GMDS: variants seen among roughly 807,000 people sequenced by gnomAD.
The protein encoded by GMDS is GDP-mannose 4,6 dehydratase.
In GMDS, 20 loss-of-function variants were observed where a neutral mutation model predicts 49.9. That is an observed-to-expected ratio of 0.40 (90% CI 0.28 to 0.58). The LOEUF (loss-of-function observed/expected upper bound fraction) is 0.58. Among genes scored for constraint, GMDS ranks in the 20% least tolerant of loss-of-function variants. GMDS has a pLI of 0.42. For missense variants in GMDS, 362 were observed against 481.4 expected, an observed-to-expected ratio of 0.75 and a Z score of 2.32; for synonymous variants, 177 against 178.6, an observed-to-expected ratio of 0.99 and a Z score of 0.07.
intron 4 of GMDS, among the ~76,000 whole-genome samples, chr6:1,997,385 G>T (rs948224966): frequency 6.6e-6 from 1 of 151,782 alleles, no homozygotes; most frequent in Non-Finnish European, 1.5e-5. Context: ...GCACACGCCT[G>T]TAGTCCCAGC....
chr6:2,149,670 T>C (rs777812374), intron 1 of GMDS, among the ~76,000 whole-genome samples: 13 of 152,336 alleles, frequency 8.5e-5, no homozygotes, highest in Middle Eastern at 3.4e-3. Context: ...TAAAAGTGCA[T>C]TTACAAAGAG....
intron 7 of GMDS, among the ~76,000 whole-genome samples, chr6:1,822,323 A>G (rs1770934428): frequency 6.6e-6 from 1 of 152,236 alleles, no homozygotes; most frequent in African/African-American, 2.4e-5. Context: ...AAGCCCAAAC[A>G]CATTTAGAAA....
rs139970723 is a variant in GMDS, at chr6:1,659,664, CT to C, written c.988-35125del. Among the ~76,000 whole-genome samples the C allele has an allele frequency of 2.8e-3, 421 of 152,238 alleles. 1 individual carries two copies. Among genetic ancestry groups the C allele is most frequent in the African/African-American group, 9.7e-3 (403 of 41,524 alleles). On this transcript the variant is annotated intron_variant, in intron 9 of 10. Transcript: ENST00000380815. ...GGTAGCTGCTTCTCTCACTGCCCCC[CT>C]GCCCCATACTCCCATATAGTGAATC... is the stretch of plus-strand genomic sequence containing the variant.
At chr6:1,813,779 A>AT (rs1407812213) in intron 7 of GMDS, among the ~76,000 whole-genome samples, 5 of 152,120 alleles carry the variant, frequency 3.3e-5, no homozygotes, top group Non-Finnish European at 7.4e-5. Context: ...TTCCTTTTAG[A>AT]TTTTTATTAG....
chr6:1,977,777 C>T (rs914463912), intron 4 of GMDS, among the ~76,000 whole-genome samples: 1 of 152,178 alleles, frequency 6.6e-6, no homozygotes, highest in Admixed American at 6.5e-5. Context: ...CCCTCGTGAG[C>T]CCATGCTACC....
intron 6 of GMDS, among the ~76,000 whole-genome samples, chr6:1,936,838 G>C (rs1464629879): frequency 6.6e-6 from 1 of 151,792 alleles, no homozygotes; most frequent in Non-Finnish European, 1.5e-5. Flanking sequence ...GTGGTGGTGC[G>C]AGCATATAAT....
At chr6:1,749,498 C>G (rs1016744060) in intron 7 of GMDS, among the ~76,000 whole-genome samples, 1 of 151,860 alleles carries the variant, frequency 6.6e-6, no homozygotes, top group African/African-American at 2.4e-5. Context: ...GAGGCTGAGG[C>G]ACAAGAATCA....
intron 6 of GMDS, among the ~76,000 whole-genome samples, chr6:1,931,507 AAAGTT>A (rs1762283518): frequency 6.6e-6 from 1 of 152,242 alleles, no homozygotes; most frequent in Non-Finnish European, 1.5e-5. Flanking sequence ...TAAGAAATAC[AAAGTT>A]TCAACTTTCC....
intron 8 of GMDS, among the ~76,000 whole-genome samples, chr6:1,736,105 G>A (rs931219853): frequency 7.2e-5 from 11 of 152,160 alleles, no homozygotes; most frequent in Non-Finnish European, 1.6e-4. Context: ...AACTGCCTAT[G>A]AAATGAAATG....
chr6:1,812,277 A>C (rs2113683081), intron 7 of GMDS, among the ~76,000 whole-genome samples: 1 of 152,292 alleles, frequency 6.6e-6, no homozygotes, highest in South Asian at 2.1e-4. Context: ...CCGAGCACAG[A>C]GCAAGTTAAA....
intron 1 of GMDS, among the ~76,000 whole-genome samples, chr6:2,125,756 T>C (rs1305859841): frequency 6.6e-6 from 1 of 152,148 alleles, no homozygotes; most frequent in Non-Finnish European, 1.5e-5. Flanking sequence ...GGCTGGCCTT[T>C]CCAGGCAATG....
At position 1,640,676 on chromosome 6, in the gene GMDS, A is replaced by G. The variant is rs912747078; in HGVS notation, c.988-16136T>C. 3.9e-5 allele frequency among the ~76,000 whole-genome samples: 6 copies of G among 152,214 alleles called. No homozygotes were observed. Among genetic ancestry groups the G allele is most frequent in the African/African-American group, 1.4e-4 (6 of 41,462 alleles). ...ATGTGCCCTTGCATCCCCACAGCGCAGGCCCAGGGCTGCCGACACAGCAGC... is the reference window on the plus strand; with the variant it reads ...ATGTGCCCTTGCATCCCCACAGCGCGGGCCCAGGGCTGCCGACACAGCAGC... On this transcript the variant is annotated intron_variant, in intron 9 of 10. Coordinates refer to ENST00000380815, the MANE Select transcript of GMDS (RefSeq NM_001500.4). This position sits in a 1 kb window ranked among gnomAD's most constrained non-coding sequence, Gnocchi z 4.0.
chr6:2,235,874 G>T (rs1781336256), intron 1 of GMDS, among the ~76,000 whole-genome samples: 1 of 151,520 alleles, frequency 6.6e-6, no homozygotes, highest in South Asian at 2.1e-4. Context: ...TGCCAATCTG[G>T]TAAGTTTCAG....
intron 4 of GMDS, among the ~76,000 whole-genome samples, chr6:2,089,430 C>T (rs1231704802): frequency 1.3e-5 from 2 of 151,424 alleles, no homozygotes; most frequent in Non-Finnish European, 2.9e-5. Context: ...CTTCAAGAGG[C>T]CACAAAGTAG....
intron 9 of GMDS, 120 bp from the exon 10 acceptor site, chr6:1,624,660 C>T (rs1474260851): frequency 5.8e-6 from 4 of 694,578 alleles, no homozygotes; most frequent in Non-Finnish European, 1.0e-5. Context: ...TCCGGGTTTC[C>T]CTGCTTTCGG....
intron 9 of GMDS, among the ~76,000 whole-genome samples, chr6:1,725,497 G>A (rs1156266384): frequency 2.6e-5 from 4 of 151,998 alleles, no homozygotes; most frequent in Middle Eastern, 3.4e-3. Flanking sequence ...AATGGCGCGC[G>A]ATCTCGGCTC....
At chr6:1,815,580 A>C (rs577845128) in intron 7 of GMDS, among the ~76,000 whole-genome samples, 6 of 152,254 alleles carry the variant, frequency 3.9e-5, no homozygotes, top group African/African-American at 1.4e-4. Context: ...AACAGTCTAA[A>C]TTTTTGTTTT....
chr6:1,923,066 A>G (rs1248583138), intron 7 of GMDS, among the ~76,000 whole-genome samples: 1 of 152,142 alleles, frequency 6.6e-6, no homozygotes, highest in Admixed American at 6.5e-5. Flanking sequence ...GCTGCCATGT[A>G]AGACGTGCCT....
intron 7 of GMDS, among the ~76,000 whole-genome samples, chr6:1,844,431 C>T (rs1378709295): frequency 2.6e-5 from 4 of 152,136 alleles, no homozygotes; most frequent in Non-Finnish European, 4.4e-5. Flanking sequence ...CAGTTTTTAC[C>T]TATGTCAGGA....
Sources: allele counts gnomAD v4.1 joint callset (sites outside exome capture counted in the v4.1 genomes callset), GRCh38; gene constraint gnomAD v4.1.1; non-coding constraint Gnocchi (gnomAD v3.1); transcripts MANE v1.5; gene names NCBI Gene and HGNC (gene_info 2026-07-23, HGNC 2026-07-21).